Variants in PHF6 observed in about 807,000 individuals in gnomAD.
PHF6 encodes the protein PHD finger protein 6.
A neutral mutation model predicts 34.0 loss-of-function variants in PHF6; 7 were observed. That is an observed-to-expected ratio of 0.21 (90% confidence interval 0.12 to 0.39). The LOEUF is 0.39. Among genes scored for constraint, PHF6 ranks in the 10% least tolerant of loss-of-function variants. The pLI is 1.00. For missense variants in PHF6, 128 were observed against 262.8 expected, an observed-to-expected ratio of 0.49 and a Z score of 3.55; for synonymous variants, 89 against 88.4, an observed-to-expected ratio of 1.01 and a Z score of -0.04.
chrX:134,410,480 A>G (rs1252593442), intron 5 of PHF6, among the ~76,000 whole-genome samples: 3 of 111,416 alleles, frequency 2.7e-5, no homozygotes, highest in Non-Finnish European at 5.6e-5. Flanking sequence ...AACTATACTT[A>G]TTAACTACTT....
intron 9 of PHF6, among the ~76,000 whole-genome samples, chrX:134,423,088 C>T (rs1268094705): frequency 2.7e-5 from 3 of 111,670 alleles, no homozygotes; most frequent in African/African-American, 9.7e-5. Context: ...AAAGCAAAAT[C>T]CCAGATGTCT....
rs746122273 is a variant in PHF6 at position 134,410,911 on chromosome X, C to T, written c.419-2580C>T. ...AGTGATCCAACTGCCTCAGCCACTGCGCCCGGCCTTTTTCCAGTTTATTGT... is the reference window on the plus strand; with the variant it reads ...AGTGATCCAACTGCCTCAGCCACTGTGCCCGGCCTTTTTCCAGTTTATTGT... On this transcript the variant is annotated intron_variant, in intron 5 of 10. Coordinates refer to ENST00000370803, the MANE Select transcript of PHF6 (RefSeq NM_001015877.2). Among the ~76,000 whole-genome samples, 16 of 106,902 alleles carry T rather than the reference C, an allele frequency of 1.5e-4. No homozygotes were observed. In the East Asian group the frequency reaches 3.5e-3, roughly 23 times the overall value. The allele number at this position is 106,902 out of a possible 115,157, so 92.8% of individuals were successfully genotyped here.
At position 134,377,741 on chromosome X, in the gene PHF6, C is replaced by T; in HGVS notation, c.124C>T (p.His42Tyr). ...LISENQKVAA[H>Y]HKCMLFSSAL... ...ATCTGAAAACCAGAAGGTGGCAGCG[C>T]ACCATAAGTGCATGGTAAGTATACC... Residue 42 changes from histidine to tyrosine, a missense_variant, in exon 2 of 11, where the codon CAC (histidine) becomes TAC (tyrosine). Around this residue, in one of 3 missense-constraint regions of PHF6, gnomAD observed 97 missense variants for 152.9 expected, o/e 0.63. Transcript: ENST00000370803. 1 of 1,208,658 alleles carries T rather than the reference C, an allele frequency of 8.3e-7. No homozygotes were observed. The highest frequency in any genetic ancestry group is 1.1e-6 in the Non-Finnish European group (1 of 893,894).
At chrX:134,392,966 T>A (rs1273408464) in intron 3 of PHF6, among the ~76,000 whole-genome samples, 2 of 110,925 alleles carry the variant, frequency 1.8e-5, no homozygotes, top group Non-Finnish European at 3.8e-5. Flanking sequence ...CCCAGCTAAT[T>A]TTTTTGTATT....
chrX:134,386,996 C>A (rs2077334819), intron 3 of PHF6, among the ~76,000 whole-genome samples: 1 of 111,461 alleles, frequency 9.0e-6, no homozygotes, highest in Non-Finnish European at 1.9e-5. Context: ...ACTTTTCTTC[C>A]TGAAGATTTA....
intron 7 of PHF6, 63 bp downstream of exon 7, chrX:134,414,029 T>C: frequency 1.8e-6 from 2 of 1,131,739 alleles, no homozygotes; most frequent in Non-Finnish European, 2.4e-6. Flanking sequence ...TTGTTTCCCC[T>C]GTGATCTAAA....
At chrX:134,408,321 T>A (rs1022706526) in intron 5 of PHF6, among the ~76,000 whole-genome samples, 1 of 112,310 alleles carries the variant, frequency 8.9e-6, no homozygotes, top group Non-Finnish European at 1.9e-5. Flanking sequence ...AATATACTTA[T>A]GTACTTATAC....
intron 9 of PHF6, among the ~76,000 whole-genome samples, chrX:134,421,661 A>C (rs897398807): frequency 6.3e-5 from 7 of 110,893 alleles, no homozygotes; most frequent in African/African-American, 2.3e-4. Context: ...CTTAATGTCA[A>C]CTTTAACTCT....
intron 3 of PHF6, among the ~76,000 whole-genome samples, chrX:134,385,640 A>G (rs2077328489): frequency 8.9e-6 from 1 of 112,192 alleles, no homozygotes; most frequent in Non-Finnish European, 1.9e-5. Flanking sequence ...GTAGCACAAA[A>G]TTCCTCTCTT....
At chrX:134,404,158 CCTT>C (rs2077413638) in intron 5 of PHF6, among the ~76,000 whole-genome samples, 1 of 112,353 alleles carries the variant, frequency 8.9e-6, no homozygotes, top group Admixed American at 9.5e-5. Context: ...TAATTAAAAA[CCTT>C]CTGGAACGGA....
intron 3 of PHF6, among the ~76,000 whole-genome samples, chrX:134,389,232 A>G (rs1305263101): frequency 8.9e-6 from 1 of 111,797 alleles, no homozygotes; most frequent in Non-Finnish European, 1.9e-5. Flanking sequence ...ATGTATGCCT[A>G]TGTTGGAGGC....
chrX:134,414,967 C>G, intron 7 of PHF6, 49 bp from the exon 8 acceptor site: 1 of 987,686 alleles, frequency 1.0e-6, no homozygotes, highest in Non-Finnish European at 1.4e-6. Context: ...TTTAATGTTT[C>G]TCTCATAAGG....
chrX:134,393,445 A>T, intron 3 of PHF6, 56 bp from the exon 4 acceptor site: 1 of 1,158,680 alleles, frequency 8.6e-7, no homozygotes, highest in Non-Finnish European at 1.2e-6. Flanking sequence ...CTCTAATCTG[A>T]TATACAGCCT....
At position 134,393,970 on chromosome X, in the gene PHF6, G is replaced by A; in HGVS notation, c.418+18G>A. 1 of 1,204,408 alleles carries A rather than the reference G, an allele frequency of 8.3e-7. No individual in the cohort carries two copies. The highest frequency in any genetic ancestry group is 1.1e-6 in the Non-Finnish European group (1 of 889,285). On this transcript the variant is annotated intron_variant, in intron 5 of 10. Coordinates refer to ENST00000370803, the MANE Select transcript of PHF6 (RefSeq NM_001015877.2). ...CTCCGAAGGTACATCATTTAGCCACGTTTCAGCCACTTTTCAGTTTCAAGA... is the reference window on the plus strand; with the variant it reads ...CTCCGAAGGTACATCATTTAGCCACATTTCAGCCACTTTTCAGTTTCAAGA...
At chrX:134,396,448 T>C (rs1369426919) in intron 5 of PHF6, among the ~76,000 whole-genome samples, 1 of 111,715 alleles carries the variant, frequency 9.0e-6, no homozygotes, top group East Asian at 2.8e-4. Flanking sequence ...TGGCCATGTT[T>C]TAGCACTGTG....
intron 7 of PHF6, 151 bp from the exon 8 acceptor site, chrX:134,414,865 G>A: frequency 2.0e-6 from 1 of 489,417 alleles, no homozygotes; most frequent in Non-Finnish European, 3.4e-6. Flanking sequence ...AATCAGACAT[G>A]TAAATATATT....
intron 3 of PHF6, among the ~76,000 whole-genome samples, chrX:134,393,269 A>G (rs1250976695): frequency 2.7e-5 from 3 of 112,264 alleles, no homozygotes; most frequent in African/African-American, 9.7e-5. Flanking sequence ...TAATGAAACA[A>G]TAGACATTAA....
chrX:134,393,829 T>G, intron 4 of PHF6, 80 bp from the exon 5 acceptor site: 3 of 925,624 alleles, frequency 3.2e-6, no homozygotes, highest in Non-Finnish European at 4.7e-6. Context: ...TTGGGTGAAG[T>G]GTACTGCTCG....
chrX:134,396,933 A>G (rs1602703386), intron 5 of PHF6, among the ~76,000 whole-genome samples: 1 of 110,349 alleles, frequency 9.1e-6, no homozygotes, highest in African/African-American at 3.3e-5. Flanking sequence ...CAGAACAAAG[A>G]TGAATTAATA....
Sources: gnomAD v4.1 joint callset for allele counts (sites outside exome capture counted in the v4.1 genomes callset) on GRCh38, gnomAD v4.1.1 for gene constraint, gnomAD v4.1.1 regional missense constraint, MANE v1.5 for transcripts, NCBI Gene and HGNC (gene_info 2026-07-23, HGNC 2026-07-21) for gene names.